Variants in MS4A6E observed in about 807,000 individuals in gnomAD.
MS4A6E encodes the protein membrane-spanning 4-domains subfamily A member 6E.
MS4A6E carries 8 observed loss-of-function variants against 13.2 expected under a neutral mutation model. The ratio of observed to expected loss-of-function variants is 0.60; its 90% CI spans 0.35 to 1.09. The LOEUF (loss-of-function observed/expected upper bound fraction) is 1.09, where lower values mean the gene tolerates loss of function less well. Ranked by LOEUF, MS4A6E falls within the 50% of genes least tolerant of loss-of-function variation. The probability of loss-of-function intolerance (pLI) is 0.02; values close to 1 mark genes in which losing one functional copy is unlikely to be tolerated. For missense variants in MS4A6E, 177 were observed against 171.1 expected (o/e 1.03, Z -0.19); for synonymous variants, 72 against 67.6 (o/e 1.06, Z -0.32).
intron 1 of MS4A6E, among the ~76,000 whole-genome samples, chr11:60,332,972 T>C (rs999829801): frequency 6.6e-6 from 1 of 152,266 alleles, no homozygotes; most frequent in Non-Finnish European, 1.5e-5. Flanking sequence ...TTTTGCTTAA[T>C]TGTCACTTTG....
chr11:60,334,248 C>A (rs2085174730), intron 1 of MS4A6E, among the ~76,000 whole-genome samples: 1 of 152,122 alleles, frequency 6.6e-6, no homozygotes, highest in East Asian at 1.9e-4. Context: ...AGGTTACAGG[C>A]TCCAGACAAG....
chr11:60,344,111 G>C (rs1377662641), downstream of MS4A6E, among the ~76,000 whole-genome samples: 1 of 152,188 alleles, frequency 6.6e-6, no homozygotes, highest in Non-Finnish European at 1.5e-5. Context: ...TAATTTAATA[G>C]AAAATCATTG....
chr11:60,342,334 A>G (rs1269068737), downstream of MS4A6E, among the ~76,000 whole-genome samples: 1 of 152,132 alleles, frequency 6.6e-6, no homozygotes, highest in East Asian at 1.9e-4. Context: ...CTGGGGTAAT[A>G]TCAGAGGTTC....
intron 4 of MS4A6E, among the ~76,000 whole-genome samples, chr11:60,347,768 C>T (rs1221434410): frequency 6.6e-6 from 1 of 152,080 alleles, no homozygotes. Context: ...ACTGGAGGAA[C>T]TAAGGAATGG....
chr11:60,335,829 G>A (rs1423553279), intron 2 of MS4A6E, among the ~76,000 whole-genome samples: 2 of 152,228 alleles, frequency 1.3e-5, no homozygotes, highest in African/African-American at 2.4e-5. Flanking sequence ...TACCTCCTAA[G>A]ACAGAGCTTC....
rs1565157064 is a variant in MS4A6E at position 60,339,898 on chromosome 11, G to A, written c.387G>A (p.Val129=). 1.2e-6 allele frequency: 2 copies of A among 1,613,864 alleles called. No homozygotes were observed. The highest frequency in any genetic ancestry group is 1.7e-6 in the Non-Finnish European group (2 of 1,179,814). ...TGTCTCTGATGCTGGTTTCTACTGT[G>A]TTGGAGTTCTGCCTAGCTGTGCTCA... ...GTLSLMLVST[V]LEFCLAVLTA... Residue 129 remains valine (V), a synonymous_variant, in exon 4 of 5, where the codon GTG becomes GTA. Transcript: ENST00000684409.
chr11:60,331,215 A>G (rs915213036), intron 1 of MS4A6E, among the ~76,000 whole-genome samples: 1 of 150,206 alleles, frequency 6.7e-6, no homozygotes, highest in African/African-American at 2.4e-5. Context: ...GCTTTAATAC[A>G]ATTATTACAT....
At chr11:60,346,668 C>T (rs7951717) in intron 4 of MS4A6E, among the ~76,000 whole-genome samples, 9,694 of 152,244 alleles carry the variant, frequency 0.064, 385 homozygotes, top group South Asian at 0.18. Flanking sequence ...AAAAGTGTTT[C>T]CTTTACCATT....
intron 2 of MS4A6E, among the ~76,000 whole-genome samples, chr11:60,336,711 A>G (rs1050375551): frequency 2.0e-5 from 3 of 152,192 alleles, no homozygotes; most frequent in African/African-American, 7.2e-5. Flanking sequence ...CAGAGCATCA[A>G]CTGGTGAGTT....
chr11:60,338,483 T>G (rs541418392), intron 3 of MS4A6E: 301 of 153,146 alleles, frequency 2.0e-3, no homozygotes, highest in African/African-American at 7.0e-3. Context: ...GGTGAAACGG[T>G]AACATTATTA....
downstream of MS4A6E, among the ~76,000 whole-genome samples, chr11:60,342,540 A>G (rs1373353795): frequency 3.3e-5 from 5 of 152,174 alleles, no homozygotes; most frequent in South Asian, 2.1e-4. Flanking sequence ...TACATCAGGC[A>G]TAGTAGATTG....
chr11:60,338,457 T>C (rs1391883756), intron 3 of MS4A6E: 1 of 157,168 alleles, frequency 6.4e-6, no homozygotes, highest in Middle Eastern at 3.1e-3. Flanking sequence ...ATTACAATAA[T>C]GAATAATACT....
intron 2 of MS4A6E, among the ~76,000 whole-genome samples, chr11:60,337,226 A>C (rs1050804967): frequency 7.2e-5 from 11 of 152,286 alleles, no homozygotes; most frequent in African/African-American, 2.4e-4. Context: ...GGCACGCAAA[A>C]GTGAGCTATT....
Position 60,335,031 on chromosome 11 carries a change from A to G in MS4A6E, c.136A>G (p.Lys46Glu). 1.2e-6 allele frequency: 2 copies of G among 1,614,136 alleles called. No homozygotes were observed. The highest frequency in any genetic ancestry group is 1.1e-5 in the South Asian group (1 of 91,080). ...GAAGAAACGTCTACAGGCAAAAGTC[A>G]AAGTTATTGGGGTAAATCTAATTCA... ...SLKKRLQAKV[K>E]VIGVHSSLAG... The change falls in exon 2 of 5, where the codon AAA becomes GAA. Residue 46 changes from lysine to glutamate, a missense_variant. Physicochemically the swap from Lys to Glu is moderately conservative, Grantham distance 56. Transcript: ENST00000684409.
At chr11:60,332,940 C>T (rs1325732342) in intron 1 of MS4A6E, among the ~76,000 whole-genome samples, 1 of 152,270 alleles carries the variant, frequency 6.6e-6, no homozygotes, top group Non-Finnish European at 1.5e-5. Context: ...TCCTCCTCCT[C>T]ACAAAGAGCC....
intron 1 of MS4A6E, among the ~76,000 whole-genome samples, chr11:60,330,107 G>T (rs1224397505): frequency 6.7e-6 from 1 of 149,490 alleles, no homozygotes; most frequent in Admixed American, 6.7e-5. Context: ...TTACAGGCGT[G>T]AGCCACCGCG....
At chr11:60,343,927 C>A (rs2085244558), downstream of MS4A6E, among the ~76,000 whole-genome samples, 2 of 152,080 alleles carry the variant, frequency 1.3e-5, no homozygotes, top group Non-Finnish European at 2.9e-5. Flanking sequence ...GTGTAGGGCC[C>A]TTCCCAGCTT....
chr11:60,336,479 G>T (rs1021941714), intron 2 of MS4A6E, among the ~76,000 whole-genome samples: 34 of 152,140 alleles, frequency 2.2e-4, no homozygotes, highest in African/African-American at 7.7e-4. Context: ...TGCAGGATGT[G>T]GTCTCGGGGT....
At chr11:60,334,271 C>T (rs553129780) in intron 1 of MS4A6E, among the ~76,000 whole-genome samples, 27 of 152,240 alleles carry the variant, frequency 1.8e-4, no homozygotes, top group African/African-American at 6.5e-4. Context: ...ACAAGCAAAC[C>T]TCTTTAACTG....
Sources: allele counts gnomAD v4.1 joint callset (sites outside exome capture counted in the v4.1 genomes callset), GRCh38; gene constraint gnomAD v4.1.1; transcripts MANE v1.5; gene names NCBI Gene and HGNC (gene_info 2026-07-23, HGNC 2026-07-21).